The following VAC14 variants were observed in gnomAD, a reference collection of about 807,000 sequenced individuals.
The protein encoded by VAC14 is protein VAC14 homolog.
A neutral mutation model predicts 85.3 loss-of-function variants in VAC14; 47 were observed. The ratio of observed to expected loss-of-function variants is 0.55; its 90% confidence interval spans 0.44 to 0.70. The LOEUF (loss-of-function observed/expected upper bound fraction) is 0.70. VAC14 is among the 30% of genes least tolerant of loss of function. VAC14 has a pLI of 0.00. For synonymous variants in VAC14, 447 were observed against 430.5 expected, an observed-to-expected ratio of 1.04 and a Z score of -0.47; for missense variants, 861 against 1,004.3, an observed-to-expected ratio of 0.86 and a Z score of 1.93.
intron 13 of VAC14, among the ~76,000 whole-genome samples, chr16:70,732,385 C>G (rs1321309408): frequency 6.6e-6 from 1 of 152,224 alleles, no homozygotes; most frequent in African/African-American, 2.4e-5. Flanking sequence ...CGTGTCCCAG[C>G]TAGAAAACAC....
chr16:70,711,994 G>A (rs2054044587), intron 14 of VAC14, among the ~76,000 whole-genome samples: 2 of 152,144 alleles, frequency 1.3e-5, no homozygotes, highest in South Asian at 4.1e-4. Flanking sequence ...CCGTAGTGGT[G>A]GGCCACAGCA....
chr16:70,786,604 G>C (rs1048978870), intron 1 of VAC14, among the ~76,000 whole-genome samples: 9 of 152,202 alleles, frequency 5.9e-5, no homozygotes, highest in Non-Finnish European at 1.0e-4. Flanking sequence ...TCACTTCTGG[G>C]AATCTGAGAG....
intron 10 of VAC14, chr16:70,769,901 G>C (rs1226709563): frequency 6.6e-6 from 1 of 152,274 alleles, no homozygotes; most frequent in East Asian, 1.9e-4. Context: ...GCTGCCAGAG[G>C]GAGGCTTTTA....
chr16:70,784,274 C>T, intron 4 of VAC14, 54 bp from the exon 5 acceptor site: 1 of 1,483,594 alleles, frequency 6.7e-7, no homozygotes, highest in South Asian at 1.2e-5. Flanking sequence ...GGCTGCCTGA[C>T]CTCGCTGAAT....
intron 14 of VAC14, among the ~76,000 whole-genome samples, chr16:70,718,040 G>A (rs1438791248): frequency 3.3e-5 from 5 of 152,206 alleles, no homozygotes; most frequent in African/African-American, 4.8e-5. Flanking sequence ...GAACACCTGC[G>A]TTCCAGGAGC....
chr16:70,757,924 A>G (rs1205861398), intron 12 of VAC14, among the ~76,000 whole-genome samples: 2 of 152,198 alleles, frequency 1.3e-5, no homozygotes, highest in African/African-American at 2.4e-5. Flanking sequence ...GTTACCAACC[A>G]TCAAGTGGCA....
At chr16:70,695,298 A>G (rs2053684458) in intron 17 of VAC14, among the ~76,000 whole-genome samples, 1 of 152,084 alleles carries the variant, frequency 6.6e-6, no homozygotes, top group Non-Finnish European at 1.5e-5. Context: ...AATTTTGTGC[A>G]GATGAGATCT....
chr16:70,719,492 T>C (rs564925939), intron 14 of VAC14, among the ~76,000 whole-genome samples: 1 of 152,026 alleles, frequency 6.6e-6, no homozygotes, highest in South Asian at 2.1e-4. Context: ...TGAGAAAGAC[T>C]CAGATTCAGA....
chr16:70,764,846 T>C (rs931156891), intron 10 of VAC14, among the ~76,000 whole-genome samples: 1 of 152,234 alleles, frequency 6.6e-6, no homozygotes, highest in Non-Finnish European at 1.5e-5. Context: ...GCCAGGACTT[T>C]CTGAGTGTTT....
chr16:70,735,564 G>C (rs1402311885), intron 13 of VAC14, among the ~76,000 whole-genome samples: 1 of 152,220 alleles, frequency 6.6e-6, no homozygotes, highest in Non-Finnish European at 1.5e-5. Context: ...GGTCCTGCCG[G>C]GGAGATGGCT....
chr16:70,756,872 G>A (rs1341426733), intron 12 of VAC14, among the ~76,000 whole-genome samples: 3 of 152,194 alleles, frequency 2.0e-5, no homozygotes, highest in Non-Finnish European at 4.4e-5. Flanking sequence ...GCCACAGTGG[G>A]TGTGATGGGT....
rs2143002247 is a variant in VAC14 at position 70,731,565 on chromosome 16, T to C, written c.1591A>G (p.Met531Val). ...CTGAATCTCTTGAGAAGGTTGATCA[T>C]GAACTTATAAAAGTAAGAATTCATG... ...PTMNSYFYKF[M>V]INLLKRFSSE... Residue 531 changes from methionine to valine, a missense_variant, in exon 14 of 19, where the codon ATG (methionine) becomes GTG (valine). Met to Val is a conservative substitution (Grantham distance 21). Transcript: ENST00000261776. The C allele has an allele frequency of 1.2e-6, 2 of 1,614,178 alleles. No homozygotes were observed. The highest frequency in any genetic ancestry group is 1.6e-4 in the Middle Eastern group (1 of 6,062).
intron 14 of VAC14, among the ~76,000 whole-genome samples, chr16:70,709,130 T>C (rs1354886009): frequency 1.3e-5 from 2 of 152,190 alleles, no homozygotes; most frequent in Non-Finnish European, 2.9e-5. Context: ...ATCGTGTACA[T>C]TCAACTCCTC....
intron 8 of VAC14, 151 bp from the exon 9 acceptor site, chr16:70,781,090 TC>T: frequency 9.4e-7 from 1 of 1,068,146 alleles, no homozygotes; most frequent in Non-Finnish European, 1.4e-6. Context: ...CTTGGTGCCC[TC>T]CCCATGGTAC....
intron 15 of VAC14, 69 bp from the exon 16 acceptor site, chr16:70,697,326 C>A (rs550439920): frequency 6.5e-4 from 886 of 1,370,168 alleles, no homozygotes; most frequent in Non-Finnish European, 7.8e-4. Flanking sequence ...CACGTGGGGA[C>A]CTGAGGGAAG....
chr16:70,695,510 C>T, intron 17 of VAC14, 34 bp downstream of exon 17: 1 of 1,610,884 alleles, frequency 6.2e-7, no homozygotes, highest in Non-Finnish European at 8.5e-7. Flanking sequence ...GCCTTGGACT[C>T]ATGGCGCGAG....
chr16:70,743,834 T>G lies in VAC14; in HGVS notation c.1528+589A>C, dbSNP rs539701502. 5.9e-5 allele frequency among the ~76,000 whole-genome samples: 9 copies of G among 152,284 alleles called. No homozygotes were observed. The East Asian group carries it at 1.7e-3, about 30-fold the overall frequency. On this transcript the variant is annotated intron_variant, in intron 13 of 18. Coordinates refer to ENST00000261776, the MANE Select transcript of VAC14 (RefSeq NM_018052.5). ...CGTGTCCTCAGGCATTTTCCAGGAC[T>G]GCATTGCCAGAGGGAAGTGGCGTCT...
rs750719861 is a variant in VAC14 at position 70,731,643 on chromosome 16, T to C, written c.1529-16A>G. 30 of 1,612,780 alleles carry C rather than the reference T, an allele frequency of 1.9e-5. No homozygotes were observed. Among genetic ancestry groups the C allele is most frequent in the East Asian group, 4.5e-5 (2 of 44,878 alleles). Reference sequence around the variant, plus strand: ...CCTTTGGTACCTGTAGAGAAAGGGATAGAGCCAGCATTTATTCTGATTATG... The same window carrying C: ...CCTTTGGTACCTGTAGAGAAAGGGACAGAGCCAGCATTTATTCTGATTATG... On this transcript the variant is annotated splice_polypyrimidine_tract_variant and intron_variant, in intron 13 of 18. Transcript: ENST00000261776.
rs1218690231 is a variant in VAC14, at chr16:70,731,367, A to ATCCAAAG, written c.1661+121_1661+127dup. On this transcript the variant is annotated intron_variant, in intron 14 of 18. Transcript: ENST00000261776. ...GGGCAACCTTCTTCATTTCTTACAG[A>ATCCAAAG]TCCAAAGGTCAGGAAAAGGAGGAGA... 5 of 1,506,776 alleles carry ATCCAAAG rather than the reference A, an allele frequency of 3.3e-6. No homozygotes were observed. In the African/African-American group the frequency reaches 7.0e-5, roughly 21 times the overall value. The allele number at this position is 1,506,776 out of a possible 1,614,324, so 93.3% of individuals were successfully genotyped here.
Sources: gnomAD v4.1 joint callset for allele counts (sites outside exome capture counted in the v4.1 genomes callset) on GRCh38, gnomAD v4.1.1 for gene constraint, MANE v1.5 for transcripts, NCBI Gene and HGNC (gene_info 2026-07-23, HGNC 2026-07-21) for gene names.